GOLGA4: variants seen among roughly 807,000 people sequenced by gnomAD.
The protein encoded by GOLGA4 is golgin A4.
In GOLGA4, 169 loss-of-function variants were observed where a neutral mutation model predicts 265.9. The ratio of observed to expected loss-of-function variants is 0.64; its 90% CI spans 0.56 to 0.72. The LOEUF is 0.72. Among genes scored for constraint, GOLGA4 ranks in the 30% least tolerant of loss-of-function variants. The probability of loss-of-function intolerance (pLI) is 0.00; values close to 1 mark genes in which losing one functional copy is unlikely to be tolerated. For missense variants in GOLGA4, 2,482 were observed against 2,483.4 expected, an observed-to-expected ratio of 1.00 and a Z score of 0.01; for synonymous variants, 923 against 855.8, an observed-to-expected ratio of 1.08 and a Z score of -1.37.
At chr3:37,344,502 T>A (rs2151031209) in intron 20 of GOLGA4, among the ~76,000 whole-genome samples, 1 of 150,904 alleles carries the variant, frequency 6.6e-6, no homozygotes, top group South Asian at 2.1e-4. Context: ...CTTTTTTTTT[T>A]TTTTTTTTTT....
chr3:37,277,946 A>G (rs1246274156), intron 2 of GOLGA4, among the ~76,000 whole-genome samples: 2 of 152,200 alleles, frequency 1.3e-5, no homozygotes, highest in Non-Finnish European at 2.9e-5. Flanking sequence ...TACAGAAAGC[A>G]GCATTTTTAA....
At chr3:37,330,233 G>A (rs897013797) in intron 16 of GOLGA4, among the ~76,000 whole-genome samples, 4 of 151,508 alleles carry the variant, frequency 2.6e-5, no homozygotes, top group South Asian at 2.1e-4. Flanking sequence ...AGAAGGAAAA[G>A]CCAGTTCAGT....
chr3:37,253,980 C>T (rs1191243636), intron 2 of GOLGA4, among the ~76,000 whole-genome samples: 2 of 150,518 alleles, frequency 1.3e-5, no homozygotes, highest in African/African-American at 2.5e-5. Flanking sequence ...CGTGCCACTG[C>T]ACTCTAGCCT....
At chr3:37,247,814 G>C (rs1005924635) in intron 1 of GOLGA4, among the ~76,000 whole-genome samples, 3 of 152,124 alleles carry the variant, frequency 2.0e-5, no homozygotes, top group Non-Finnish European at 4.4e-5. Context: ...TTCATTTCTT[G>C]CTGACCACTT....
chr3:37,336,960 TAAAAC>T (rs2097015588), intron 17 of GOLGA4, among the ~76,000 whole-genome samples, 178 bp from the exon 18 acceptor site: 1 of 152,214 alleles, frequency 6.6e-6, no homozygotes, highest in African/African-American at 2.4e-5. Context: ...TAATATTTTG[TAAAAC>T]AAAACAGAAC....
chr3:37,299,277 A>T lies in GOLGA4; in HGVS notation c.1003-11A>T, dbSNP rs201463285. The T allele has an allele frequency of 4.8e-5, 76 of 1,574,608 alleles. No individual in the cohort carries two copies. Among genetic ancestry groups the T allele is most frequent in the South Asian group, 8.9e-5 (8 of 89,402 alleles). ...ATTAGAGATGGAAATGAATTTAAAA[A>T]TTTTTTTTAGGACCTTCATATGGCC... On this transcript the variant is annotated splice_polypyrimidine_tract_variant and intron_variant, in intron 8 of 23. Coordinates refer to ENST00000361924, the MANE Select transcript of GOLGA4 (RefSeq NM_002078.5).
intron 2 of GOLGA4, among the ~76,000 whole-genome samples, chr3:37,262,765 A>C (rs535085788): frequency 6.8e-6 from 1 of 147,678 alleles, no homozygotes; most frequent in South Asian, 2.1e-4. Flanking sequence ...AAACAAAAAC[A>C]AACAGACAAA....
rs529326336 is a variant in GOLGA4 at position 37,246,785 on chromosome 3, A to T, written c.72+3163A>T. Among the ~76,000 whole-genome samples, 19 of 152,326 alleles carry T rather than the reference A, an allele frequency of 1.2e-4. No individual in the cohort carries two copies. The East Asian group carries it at 3.3e-3, about 26-fold the overall frequency. On this transcript the variant is annotated intron_variant, in intron 1 of 23. Coordinates refer to ENST00000361924, the MANE Select transcript of GOLGA4 (RefSeq NM_002078.5). ...TAAATTTTATGTTATGTATATTTTT[A>T]AAAAATCAACATATACGCCCCTCCT...
Position 37,321,762 on chromosome 3 carries a change from G to C in GOLGA4, c.1577G>C (p.Ser526Thr). ...AGTCAATCAGAATATTTGAAGATCA[G>C]CCAAGAAAAAGAACAGCAAGAATCT... ...EKSQSEYLKI[S>T]QEKEQQESLA... The change falls in exon 13 of 24, where the codon AGC becomes ACC. Residue 526 changes from serine to threonine, a missense_variant. By Grantham distance (58) the Ser-to-Thr change is moderately conservative (BLOSUM62 1). Around this residue, in one of 3 missense-constraint regions of GOLGA4, gnomAD observed 1,536 missense variants for 1,483.7 expected, o/e 1.04. Coordinates refer to ENST00000361924, the MANE Select transcript of GOLGA4 (RefSeq NM_002078.5). The C allele has an allele frequency of 6.2e-7, 1 of 1,611,172 alleles. No individual in the cohort carries two copies. Among genetic ancestry groups the C allele is most frequent in the Non-Finnish European group, 8.5e-7 (1 of 1,179,274 alleles).
chr3:37,281,420 TC>T (rs999336374), intron 2 of GOLGA4, among the ~76,000 whole-genome samples: 23 of 152,042 alleles, frequency 1.5e-4, no homozygotes, highest in African/African-American at 4.6e-4. Context: ...CACATTACCC[TC>T]CCCCCATCCC....
chr3:37,357,967 C>G (rs1457244266), intron 22 of GOLGA4, among the ~76,000 whole-genome samples: 2 of 152,130 alleles, frequency 1.3e-5, no homozygotes, highest in African/African-American at 4.8e-5. Context: ...AACTGTGCAG[C>G]TATGGTTTCA....
Position 37,366,525 on chromosome 3 carries a change from C to G in GOLGA4, c.*479C>G, listed in dbSNP as rs748533840. The stretch of plus-strand genomic sequence containing the variant: ...AATTGACTATTTTATTCAGGTTGAT[C>G]TGTTGAATATTTGCTAAAGACCAGT... On this transcript the variant is annotated 3_prime_UTR_variant, in exon 24 of 24. Transcript: ENST00000361924. 9.5e-5 allele frequency: 15 copies of G among 158,664 alleles called. No homozygotes were observed. Among genetic ancestry groups the G allele is most frequent in the Non-Finnish European group, 1.7e-4 (12 of 72,408 alleles). The allele number at this position is 158,664 out of a possible 1,614,324, so 9.8% of individuals were successfully genotyped here. A position where few individuals can be genotyped will look rare whatever the true frequency, so the allele number is the denominator to read the frequency against.
intron 2 of GOLGA4, among the ~76,000 whole-genome samples, chr3:37,253,018 G>T (rs1429860131): frequency 6.6e-6 from 1 of 152,112 alleles, no homozygotes; most frequent in Non-Finnish European, 1.5e-5. Flanking sequence ...GAAGGCCAAG[G>T]CAGGAGGATT....
chr3:37,248,061 A>T (rs1018740497), intron 1 of GOLGA4, among the ~76,000 whole-genome samples: 1 of 152,146 alleles, frequency 6.6e-6, no homozygotes, highest in African/African-American at 2.4e-5. Context: ...CAATTATGAG[A>T]GTGATAGCTC....
At chr3:37,253,096 T>C (rs568443365) in intron 2 of GOLGA4, among the ~76,000 whole-genome samples, 7 of 150,594 alleles carry the variant, frequency 4.6e-5, no homozygotes, top group African/African-American at 1.5e-4. Flanking sequence ...AAAAATAAAA[T>C]AAAATAAAAT....
chr3:37,279,402 C>G (rs1004202395), intron 2 of GOLGA4, among the ~76,000 whole-genome samples: 4 of 152,192 alleles, frequency 2.6e-5, no homozygotes, highest in African/African-American at 9.7e-5. Context: ...CGCCCTCTAG[C>G]TGTAAGATGA....
At chr3:37,267,756 T>C (rs1255091141) in intron 2 of GOLGA4, among the ~76,000 whole-genome samples, 2 of 152,176 alleles carry the variant, frequency 1.3e-5, no homozygotes, top group African/African-American at 2.4e-5. Context: ...CACCATTGGA[T>C]TGAGGTTTTT....
In GOLGA4 at chr3:37,243,337, C is replaced by G. The variant is rs2150558618; in HGVS notation, c.-214C>G. On this transcript the variant is annotated 5_prime_UTR_variant, in exon 1 of 24. Transcript: ENST00000361924. Reference sequence around the variant, plus strand: ...GGCTGGATGGGGGGCCGAGGCCAGCCAGTGGCACCCGGAAGAAAGAGACGC... The same window carrying G: ...GGCTGGATGGGGGGCCGAGGCCAGCGAGTGGCACCCGGAAGAAAGAGACGC... The G allele has an allele frequency of 1.7e-6, 1 of 575,704 alleles. No individual in the cohort carries two copies. The highest frequency in any genetic ancestry group is 1.9e-5 in the African/African-American group (1 of 51,562). 35.7% of individuals were successfully genotyped at this position (575,704 alleles called of 1,614,324 possible). A position where few individuals can be genotyped will look rare whatever the true frequency, so the allele number is the denominator to read the frequency against.
chr3:37,282,146 C>T lies in GOLGA4; in HGVS notation c.351C>T (p.Pro117=), dbSNP rs150573420. The stretch of plus-strand genomic sequence containing the variant: ...GTTCTACTGCCAGTTTTGATCCACC[C>T]TCTGATATGGATAGCGAGGCTGAAG... ...LDSSTASFDP[P]SDMDSEAEDL... The change falls in exon 3 of 24, where the codon CCC becomes CCT. Residue 117 remains proline (P), a synonymous_variant. Transcript: ENST00000361924. 1.9e-6 allele frequency: 3 copies of T among 1,614,010 alleles called. No homozygotes were observed. The highest frequency in any genetic ancestry group is 1.3e-5 in the African/African-American group (1 of 74,918).
Sources: allele counts gnomAD v4.1 joint callset (sites outside exome capture counted in the v4.1 genomes callset), GRCh38; gene constraint gnomAD v4.1.1; regional missense constraint gnomAD v4.1.1; transcripts MANE v1.5; gene names NCBI Gene and HGNC (gene_info 2026-07-23, HGNC 2026-07-21).